The following RIMS2 variants were observed in gnomAD, a reference collection of about 807,000 sequenced individuals.
RIMS2 encodes the protein regulating synaptic membrane exocytosis 2.
A neutral mutation model predicts 174.4 loss-of-function variants in RIMS2; 59 were observed. That is an observed-to-expected ratio of 0.34 (90% CI 0.27 to 0.42). RIMS2 has a LOEUF of 0.42. Ranked by LOEUF, RIMS2 falls within the 10% of genes least tolerant of loss-of-function variation. The pLI is 1.00. For missense variants in RIMS2, 1,620 were observed against 1,666.3 expected, an observed-to-expected ratio of 0.97 and a Z score of 0.48; for synonymous variants, 606 against 572.5, an observed-to-expected ratio of 1.06 and a Z score of -0.84.
intron 19 of RIMS2, among the ~76,000 whole-genome samples, chr8:104,077,553 A>C (rs1205809336): frequency 6.6e-6 from 1 of 151,056 alleles, no homozygotes; most frequent in Non-Finnish European, 1.5e-5. Context: ...ATTGTATTTA[A>C]ATTTTAATCT....
chr8:103,746,773 C>T (rs771525489), intron 2 of RIMS2, among the ~76,000 whole-genome samples: 48 of 151,968 alleles, frequency 3.2e-4, no homozygotes, highest in Non-Finnish European at 6.5e-4. Flanking sequence ...CTCCGCCTCC[C>T]GGGTTCAAGC....
intron 19 of RIMS2, among the ~76,000 whole-genome samples, chr8:104,154,754 C>G (rs1349406232): frequency 6.6e-6 from 1 of 152,162 alleles, no homozygotes; most frequent in Non-Finnish European, 1.5e-5. Context: ...TAAGCTCACA[C>G]AGTACTTTAA....
chr8:104,249,518 G>A (rs1010891668), exon 22 of RIMS2: 8 of 1,611,650 alleles, frequency 5.0e-6, no homozygotes, highest in Non-Finnish European at 6.8e-6. Context: ...TGGACAAAAA[G>A]GGACAGCTGG....
chr8:104,078,940 CA>C (rs145111537), intron 19 of RIMS2, among the ~76,000 whole-genome samples: 2,387 of 152,250 alleles, frequency 0.016, 49 homozygotes, highest in African/African-American at 0.051. Flanking sequence ...CTCGCGTAGC[CA>C]TAATTTTATG....
At chr8:104,208,712 G>A (rs1196639824) in intron 19 of RIMS2, among the ~76,000 whole-genome samples, 1 of 152,174 alleles carries the variant, frequency 6.6e-6, no homozygotes, top group East Asian at 1.9e-4. Context: ...AGTCCTGTGG[G>A]ATAATAAAGA....
chr8:103,926,543 G>A (rs967239227), intron 10 of RIMS2, among the ~76,000 whole-genome samples: 5 of 151,516 alleles, frequency 3.3e-5, no homozygotes, highest in Non-Finnish European at 7.4e-5. Flanking sequence ...TTTCCTTTGG[G>A]TTTTAGATTT....
intron 3 of RIMS2, among the ~76,000 whole-genome samples, chr8:103,808,481 A>T (rs188007675): frequency 6.6e-6 from 1 of 152,104 alleles, no homozygotes; most frequent in South Asian, 2.1e-4. Context: ...CTAAAGTTAT[A>T]TCTTCAGTTG....
At chr8:104,019,209 A>ATGTACTGATTT (rs1293310516) in intron 19 of RIMS2, among the ~76,000 whole-genome samples, 1 of 152,116 alleles carries the variant, frequency 6.6e-6, no homozygotes, top group Non-Finnish European at 1.5e-5. Context: ...AAAAAGTTAA[A>ATGTACTGATTT]ACATTATATA....
intron 9 of RIMS2, 36 bp from the exon 13 acceptor site, chr8:103,921,636 A>G (rs746070769): frequency 1.3e-5 from 11 of 829,682 alleles, no homozygotes; most frequent in Non-Finnish European, 2.4e-5. Flanking sequence ...GTGAAGAGCC[A>G]TTGTTATTAT....
intron 19 of RIMS2, among the ~76,000 whole-genome samples, chr8:104,138,982 T>C (rs2098544714): frequency 1.3e-5 from 2 of 152,192 alleles, no homozygotes; most frequent in African/African-American, 4.8e-5. Flanking sequence ...TTTTTCTGCA[T>C]ATGGATGTCT....
chr8:103,595,229 C>T (rs2094439351), intron 1 of RIMS2, among the ~76,000 whole-genome samples: 2 of 151,718 alleles, frequency 1.3e-5, no homozygotes, highest in African/African-American at 4.8e-5. Flanking sequence ...ATATTAATAT[C>T]TATTTGAAGT....
intron 19 of RIMS2, among the ~76,000 whole-genome samples, chr8:104,134,057 A>G (rs1182136208): frequency 6.6e-6 from 1 of 152,206 alleles, no homozygotes; most frequent in African/African-American, 2.4e-5. Flanking sequence ...TCTTTAATAT[A>G]TGATACATAT....
intron 19 of RIMS2, among the ~76,000 whole-genome samples, chr8:104,073,833 G>C (rs544645294): frequency 1.3e-5 from 2 of 152,136 alleles, no homozygotes; most frequent in South Asian, 4.2e-4. Flanking sequence ...AAGATGTATT[G>C]GGGAAAGCAA....
rs760626198 is a variant in RIMS2, at chr8:103,669,394, A to C, written c.177-27692A>C. ...TCATCCCTGGCCACTTTCAAATCTCATGTCCTCATATGTCAAAACCAATTA... is the reference window on the plus strand; with the variant it reads ...TCATCCCTGGCCACTTTCAAATCTCCTGTCCTCATATGTCAAAACCAATTA... On this transcript the variant is annotated intron_variant, in intron 1 of 23. Coordinates refer to ENST00000504942, the Ensembl canonical transcript of RIMS2. Among the ~76,000 whole-genome samples the C allele has an allele frequency of 1.5e-3, 229 of 152,324 alleles. 4 individuals carry two copies. Among genetic ancestry groups the C allele is most frequent in the Non-Finnish European group, 2.1e-3 (144 of 68,030 alleles).
chr8:103,759,595 A>C (rs1293976086), intron 2 of RIMS2, among the ~76,000 whole-genome samples: 1 of 151,552 alleles, frequency 6.6e-6, no homozygotes, highest in African/African-American at 2.4e-5. Flanking sequence ...AAAAGAAAAG[A>C]AAAAAGAAAG....
chr8:103,514,970 T>C lies in RIMS2; in HGVS notation c.176+13908T>C, dbSNP rs368827280. Among the ~76,000 whole-genome samples, 66 of 152,204 alleles carry C rather than the reference T, an allele frequency of 4.3e-4. No individual in the cohort carries two copies. The South Asian group carries it at 8.7e-3, about 20-fold the overall frequency. On this transcript the variant is annotated intron_variant, in intron 1 of 23. Coordinates refer to ENST00000504942, the Ensembl canonical transcript of RIMS2. ...ACACACAAAACAAAAAACTTCATTT[T>C]TTTCTGATTGATGGAAACTGCTTTT... is the stretch of plus-strand genomic sequence containing the variant.
chr8:103,574,242 G>A (rs1039343813), intron 1 of RIMS2, among the ~76,000 whole-genome samples: 2 of 152,040 alleles, frequency 1.3e-5, no homozygotes, highest in Non-Finnish European at 2.9e-5. Flanking sequence ...TTTGCCCTAG[G>A]TTCCCCCACT....
At chr8:103,784,378 C>A (rs1176415873) in intron 3 of RIMS2, among the ~76,000 whole-genome samples, 1 of 150,046 alleles carries the variant, frequency 6.7e-6, no homozygotes, top group African/African-American at 2.4e-5. Context: ...CCTAGGTTTT[C>A]TTCTAGGGTT....
intron 19 of RIMS2, among the ~76,000 whole-genome samples, chr8:104,128,502 G>A (rs896119202): frequency 2.0e-5 from 3 of 152,088 alleles, no homozygotes; most frequent in African/African-American, 7.2e-5. Context: ...TTTGAGACCA[G>A]CCTGACCAAC....
Sources: gnomAD v4.1 joint callset for allele counts (sites outside exome capture counted in the v4.1 genomes callset) on GRCh38, gnomAD v4.1.1 for gene constraint, MANE v1.5 for transcripts, NCBI Gene and HGNC (gene_info 2026-07-23, HGNC 2026-07-21) for gene names.